The following RNF180 variants were observed in gnomAD, a reference collection of about 807,000 sequenced individuals.
RNF180 encodes the protein ring finger protein 180, also known as E3 ubiquitin-protein ligase RNF180.
RNF180 carries 38 observed loss-of-function variants against 59.2 expected under a neutral mutation model. The observed-to-expected ratio is 0.64, with a 90% CI of 0.50 to 0.84. The LOEUF (loss-of-function observed/expected upper bound fraction) is 0.84, where lower values mean the gene tolerates loss of function less well. RNF180 is among the 40% of genes least tolerant of loss of function. The probability of loss-of-function intolerance (pLI) is 0.00; values close to 1 mark genes in which losing one functional copy is unlikely to be tolerated. For missense variants in RNF180, 705 were observed against 700.9 expected, an observed-to-expected ratio of 1.01 and a Z score of -0.07; for synonymous variants, 262 against 240.3, an observed-to-expected ratio of 1.09 and a Z score of -0.84.
intron 7 of RNF180, among the ~76,000 whole-genome samples, chr5:64,332,940 T>A (rs1371567998): frequency 6.6e-6 from 1 of 152,104 alleles, no homozygotes; most frequent in Non-Finnish European, 1.5e-5. Context: ...CAGTACTACC[T>A]ACACCAAAAG....
chr5:64,179,261 A>T (rs1466389829), intron 1 of RNF180, among the ~76,000 whole-genome samples: 2 of 152,144 alleles, frequency 1.3e-5, no homozygotes, highest in Non-Finnish European at 2.9e-5. Context: ...AATATACTGA[A>T]CATCTGTGTG....
At chr5:64,279,257 A>G (rs938346866) in intron 5 of RNF180, among the ~76,000 whole-genome samples, 2 of 152,188 alleles carry the variant, frequency 1.3e-5, no homozygotes, top group Non-Finnish European at 2.9e-5. Context: ...TACAATGAGA[A>G]CTAAAAATAG....
chr5:64,254,696 T>A (rs985028223), intron 5 of RNF180, among the ~76,000 whole-genome samples: 11 of 152,300 alleles, frequency 7.2e-5, no homozygotes, highest in East Asian at 5.8e-4. Flanking sequence ...TGTATCAAAA[T>A]GGACTTAGCT....
chr5:64,177,524 GCCATATATAT>G (rs2111916168), intron 1 of RNF180, among the ~76,000 whole-genome samples: 1 of 69,552 alleles, frequency 1.4e-5, no homozygotes, highest in African/African-American at 4.4e-5. Context: ...CATAAATTAT[GCCATATATAT>G]ATATATATAT....
intron 7 of RNF180, among the ~76,000 whole-genome samples, chr5:64,342,909 A>T (rs868866991): frequency 2.6e-5 from 4 of 152,264 alleles, no homozygotes; most frequent in Middle Eastern, 3.4e-3. Flanking sequence ...TGTCCTTAAG[A>T]CGTTTGAAAT....
chr5:64,253,662 C>T (rs538607111), intron 5 of RNF180, among the ~76,000 whole-genome samples: 2 of 152,170 alleles, frequency 1.3e-5, no homozygotes. Context: ...ACAGGCAAAA[C>T]TGAAATCAGT....
chr5:64,316,120 A>G (rs1416597490), intron 5 of RNF180, among the ~76,000 whole-genome samples: 1 of 152,142 alleles, frequency 6.6e-6, no homozygotes, highest in East Asian at 1.9e-4. Flanking sequence ...GGGTCTTGCT[A>G]TGTTGCCTAG....
chr5:64,271,840 G>A lies in RNF180; in HGVS notation c.1228-53346G>A, dbSNP rs188315274. Among the ~76,000 whole-genome samples, 27 of 152,094 alleles carry A rather than the reference G, an allele frequency of 1.8e-4. No individual in the cohort carries two copies. In the East Asian group the frequency reaches 5.2e-3, roughly 29 times the overall value. ...TTTTTATTTTTTGTTTTCTCACTGT[G>A]ACACAAATGAAGGAGGATTTCACAC... On this transcript the variant is annotated intron_variant, in intron 5 of 7. Transcript: ENST00000389100.
chr5:64,237,156 G>A (rs1411529766), intron 5 of RNF180, among the ~76,000 whole-genome samples: 1 of 152,166 alleles, frequency 6.6e-6, no homozygotes, highest in Admixed American at 6.5e-5. Context: ...AAAACCACAG[G>A]CATTCAGCGC....
In RNF180 at chr5:64,214,246, G is replaced by A. The variant is rs1752492852; in HGVS notation, c.920G>A (p.Gly307Glu). Reference protein sequence around the residue: ...VAPHETQTQRGGEFQCGLEAA... With the variant: ...VAPHETQTQREGEFQCGLEAA... The stretch of plus-strand genomic sequence containing the variant: ...CCCCATGAGACCCAGACACAAAGAG[G>A]AGGAGAATTTCAGTGTGGTCTAGAA... The change falls in exon 4 of 8, where the codon GGA (glycine) becomes GAA (glutamate). Residue 307 changes from glycine (G) to glutamate (E), a missense_variant. Gly to Glu is a moderately conservative substitution (Grantham distance 98, BLOSUM62 -2). Coordinates refer to ENST00000389100, the MANE Select transcript of RNF180 (RefSeq NM_001113561.2). The A allele has an allele frequency of 1.9e-6, 3 of 1,613,912 alleles. No individual in the cohort carries two copies. The highest frequency in any genetic ancestry group is 2.2e-5 in the South Asian group (2 of 91,086).
At position 64,181,298 on chromosome 5, in the gene RNF180, A is replaced by G. The variant is rs558679965; in HGVS notation, c.-1+15345A>G. Among the ~76,000 whole-genome samples, 9 of 152,310 alleles carry G rather than the reference A, an allele frequency of 5.9e-5. 1 individual carries two copies. Among genetic ancestry groups the G allele is most frequent in the African/African-American group, 2.2e-4 (9 of 41,582 alleles). ...CAGGAACAATACTTTGCATCCTACA[A>G]TCCAATCAAGTTGACACTCAGTATT... is the stretch of plus-strand genomic sequence containing the variant. On this transcript the variant is annotated intron_variant, in intron 1 of 7. Coordinates refer to ENST00000389100, the MANE Select transcript of RNF180 (RefSeq NM_001113561.2).
At position 64,314,109 on chromosome 5, in the gene RNF180, CTGTT is replaced by C. The variant is rs140934658; in HGVS notation, c.1228-11075_1228-11072del. Among the ~76,000 whole-genome samples the C allele has an allele frequency of 3.6e-3, 547 of 152,172 alleles. 2 individuals are homozygous for C. Among genetic ancestry groups the C allele is most frequent in the African/African-American group, 0.012 (500 of 41,546 alleles). Reference sequence around the variant, plus strand: ...CCATTCTATAGGTTGTCTGTTTACTCTGTTTAACAAAGTTTTTGTACATTGAACC... The same window carrying C: ...CCATTCTATAGGTTGTCTGTTTACTCTAACAAAGTTTTTGTACATTGAACC... On this transcript the variant is annotated intron_variant, in intron 5 of 7. Transcript: ENST00000389100.
At chr5:64,236,748 C>T (rs546348726) in intron 5 of RNF180, among the ~76,000 whole-genome samples, 2 of 152,122 alleles carry the variant, frequency 1.3e-5, no homozygotes, top group Non-Finnish European at 1.5e-5. Context: ...GGCTTCAGGC[C>T]TTGATGTCCT....
intron 5 of RNF180, among the ~76,000 whole-genome samples, chr5:64,290,572 C>CAT (rs1742527285): frequency 1.3e-5 from 2 of 152,126 alleles, no homozygotes; most frequent in South Asian, 4.2e-4. Context: ...TTATTGGGTA[C>CAT]ATATATATAT....
At chr5:64,243,653 G>A (rs927906561) in intron 5 of RNF180, among the ~76,000 whole-genome samples, 1 of 152,196 alleles carries the variant, frequency 6.6e-6, no homozygotes, top group Non-Finnish European at 1.5e-5. Flanking sequence ...AGGGGTGGCT[G>A]TGGGCACAGC....
chr5:64,344,632 C>G (rs1050861637), intron 7 of RNF180, among the ~76,000 whole-genome samples: 2 of 152,054 alleles, frequency 1.3e-5, no homozygotes, highest in African/African-American at 2.4e-5. Context: ...TCTCTGTGTT[C>G]AAAGTCAGTG....
chr5:64,369,547 G>T (rs1036662127), intron 7 of RNF180, 68 bp from the exon 8 acceptor site: 2 of 941,918 alleles, frequency 2.1e-6, no homozygotes, highest in Non-Finnish European at 3.0e-6. Context: ...AACTGTACTT[G>T]TGTACAGCTT....
chr5:64,350,877 G>A lies in RNF180; in HGVS notation c.1580-18738G>A, dbSNP rs538164659. On this transcript the variant is annotated intron_variant, in intron 7 of 7. Coordinates refer to ENST00000389100, the MANE Select transcript of RNF180 (RefSeq NM_001113561.2). ...AGCTTTGTTCTTTTGGCTTAGGATTGACTTGGCAATGCGGGCTCTTTTTTG... is the reference window on the plus strand; with the variant it reads ...AGCTTTGTTCTTTTGGCTTAGGATTAACTTGGCAATGCGGGCTCTTTTTTG... Among the ~76,000 whole-genome samples the A allele has an allele frequency of 1.7e-4, 26 of 152,280 alleles. 1 individual carries two copies. Among genetic ancestry groups the A allele is most frequent in the Non-Finnish European group, 3.4e-4 (23 of 68,026 alleles).
At chr5:64,303,422 A>T (rs1743263911) in intron 5 of RNF180, among the ~76,000 whole-genome samples, 3 of 151,682 alleles carry the variant, frequency 2.0e-5, no homozygotes, top group Admixed American at 2.0e-4. Flanking sequence ...CTTGCACCAA[A>T]TAGTTAGCTA....
Sources: gnomAD v4.1 joint callset for allele counts (sites outside exome capture counted in the v4.1 genomes callset) on GRCh38, gnomAD v4.1.1 for gene constraint, MANE v1.5 for transcripts, NCBI Gene and HGNC (gene_info 2026-07-23, HGNC 2026-07-21) for gene names.